Variants in SCFD2 observed in about 807,000 individuals in gnomAD.
SCFD2 encodes sec1 family domain-containing protein 2.
In SCFD2, 54 loss-of-function variants were observed where a neutral mutation model predicts 58.9. That is an observed-to-expected ratio of 0.92 (90% CI 0.74 to 1.15). SCFD2 has a LOEUF of 1.15. SCFD2 is among the 50% of genes most tolerant of loss of function. The probability of loss-of-function intolerance (pLI) is 0.00; values close to 1 mark genes in which losing one functional copy is unlikely to be tolerated. For synonymous variants in SCFD2, 321 were observed against 335.9 expected, an observed-to-expected ratio of 0.96 and a Z score of 0.49; for missense variants, 805 against 836.6, an observed-to-expected ratio of 0.96 and a Z score of 0.47.
intron 4 of SCFD2, among the ~76,000 whole-genome samples, chr4:53,223,625 G>A (rs562143610): frequency 3.3e-5 from 5 of 152,248 alleles, no homozygotes; most frequent in East Asian, 3.9e-4. Flanking sequence ...ATAGTCTCAC[G>A]GAACATTTTC....
At chr4:52,875,130 C>T (rs1261803270) in intron 8 of SCFD2, among the ~76,000 whole-genome samples, 2 of 152,184 alleles carry the variant, frequency 1.3e-5, no homozygotes, top group African/African-American at 4.8e-5. Context: ...AGGATCCCAG[C>T]GCAGACAGGC....
At chr4:52,993,397 TAAAAAAA>T (rs1721667529) in intron 5 of SCFD2, among the ~76,000 whole-genome samples, 1 of 70,698 alleles carries the variant, frequency 1.4e-5, no homozygotes, top group Non-Finnish European at 3.8e-5. Context: ...CAATAAATAC[TAAAAAAA>T]TAAAAAAATA....
intron 5 of SCFD2, among the ~76,000 whole-genome samples, chr4:53,055,858 T>TTA (rs1262067707): frequency 1.3e-5 from 2 of 151,928 alleles, no homozygotes; most frequent in Non-Finnish European, 2.9e-5. Flanking sequence ...TTGCTCAGAC[T>TTA]CTCTCCTGAC....
rs149189359 is a variant in SCFD2, at chr4:53,365,321, C to A, written c.621G>T (p.Thr207=). ...TCTGCAGCAGCAGCTCTGGGGTTAGCGTAGTGGAGTCCACATCACCCAGGC... is the reference window on the plus strand; with the variant it reads ...TCTGCAGCAGCAGCTCTGGGGTTAGAGTAGTGGAGTCCACATCACCCAGGC... ...LGSLGDVDST[T]LTPELLLQIR... Residue 207 remains threonine (T), a synonymous_variant, in exon 1 of 9, where the codon ACG becomes ACT. Transcript: ENST00000401642. This position sits in a 1 kb window ranked among gnomAD's most constrained non-coding sequence, Gnocchi z 4.3. 1 of 1,614,176 alleles carries A rather than the reference C, an allele frequency of 6.2e-7. No homozygotes were observed. Among genetic ancestry groups the A allele is most frequent in the South Asian group, 1.1e-5 (1 of 91,078 alleles).
At chr4:52,970,185 C>A (rs1037773833) in intron 5 of SCFD2, among the ~76,000 whole-genome samples, 5 of 152,172 alleles carry the variant, frequency 3.3e-5, no homozygotes, top group African/African-American at 1.2e-4. Flanking sequence ...ACAGTGGGTG[C>A]AGCATACCCA....
chr4:52,911,445 C>A (rs1480693269), intron 6 of SCFD2, among the ~76,000 whole-genome samples: 1 of 152,196 alleles, frequency 6.6e-6, no homozygotes, highest in African/African-American at 2.4e-5. Flanking sequence ...GTTTTCTCAA[C>A]CTCTTCATTC....
At chr4:53,360,714 G>A (rs1734526286) in intron 1 of SCFD2, among the ~76,000 whole-genome samples, 1 of 152,182 alleles carries the variant, frequency 6.6e-6, no homozygotes, top group African/African-American at 2.4e-5. Flanking sequence ...CTACCTAAAT[G>A]TTTTTGAATT....
intron 7 of SCFD2, among the ~76,000 whole-genome samples, chr4:52,892,598 T>G (rs1422494968): frequency 1.3e-5 from 2 of 152,170 alleles, no homozygotes; most frequent in Non-Finnish European, 2.9e-5. Flanking sequence ...ACTTTGGAGT[T>G]CCTAACTCCT....
chr4:52,952,879 C>T (rs1466510766), intron 5 of SCFD2, among the ~76,000 whole-genome samples: 1 of 152,164 alleles, frequency 6.6e-6, no homozygotes, highest in East Asian at 1.9e-4. Flanking sequence ...GAACCATTCC[C>T]TGGGAAAGTC....
intron 7 of SCFD2, among the ~76,000 whole-genome samples, chr4:52,902,373 A>C (rs541155528): frequency 6.6e-6 from 1 of 152,376 alleles, no homozygotes; most frequent in East Asian, 1.9e-4. Context: ...TCCCACAGGC[A>C]CAGCAAAAGA....
chr4:53,222,616 C>G (rs1729081187), intron 4 of SCFD2, among the ~76,000 whole-genome samples: 2 of 59,964 alleles, frequency 3.3e-5, no homozygotes, highest in African/African-American at 9.9e-5. Context: ...GGAAGAACTA[C>G]TCCAAATAGC....
intron 4 of SCFD2, among the ~76,000 whole-genome samples, chr4:53,178,311 A>C (rs1051062600): frequency 5.9e-5 from 9 of 152,186 alleles, no homozygotes; most frequent in Non-Finnish European, 1.3e-4. Context: ...CTTCCAGAGG[A>C]ACGGTCAGGC....
At chr4:53,026,434 A>G (rs1205362520) in intron 5 of SCFD2, among the ~76,000 whole-genome samples, 1 of 152,220 alleles carries the variant, frequency 6.6e-6, no homozygotes, top group Admixed American at 6.5e-5. Context: ...AGATGACTTA[A>G]CATGAGATAA....
At chr4:52,996,797 C>G (rs1443533701) in intron 5 of SCFD2, among the ~76,000 whole-genome samples, 1 of 152,138 alleles carries the variant, frequency 6.6e-6, no homozygotes, top group African/African-American at 2.4e-5. Flanking sequence ...AAGAAAATCT[C>G]CTTGTGTGAG....
At chr4:53,043,943 A>T (rs1163025694) in intron 5 of SCFD2, among the ~76,000 whole-genome samples, 1 of 152,322 alleles carries the variant, frequency 6.6e-6, no homozygotes, top group East Asian at 1.9e-4. Context: ...AACATGTCAC[A>T]GTTAATGTTA....
chr4:53,329,292 G>A (rs960297337), intron 2 of SCFD2, among the ~76,000 whole-genome samples: 4 of 152,166 alleles, frequency 2.6e-5, no homozygotes, highest in African/African-American at 4.8e-5. Context: ...TCTGGGGGCA[G>A]GGCACAGACA....
intron 4 of SCFD2, among the ~76,000 whole-genome samples, chr4:53,255,894 C>A (rs1255161604): frequency 7.1e-6 from 1 of 140,666 alleles, no homozygotes; most frequent in Admixed American, 6.7e-5. Context: ...CAGAGGGGCT[C>A]CTCACTTCCC....
chr4:52,934,187 T>C (rs921977153), intron 5 of SCFD2, among the ~76,000 whole-genome samples: 2 of 152,204 alleles, frequency 1.3e-5, no homozygotes, highest in African/African-American at 2.4e-5. Context: ...TTTCCCACAC[T>C]AGCATACAAC....
intron 5 of SCFD2, among the ~76,000 whole-genome samples, chr4:53,054,361 G>A (rs533712675): frequency 1.1e-3 from 164 of 152,146 alleles, no homozygotes; most frequent in African/African-American, 3.9e-3. Flanking sequence ...TTACATGTCC[G>A]CTTCTCCCCC....
Sources: allele counts gnomAD v4.1 joint callset (sites outside exome capture counted in the v4.1 genomes callset), GRCh38; gene constraint gnomAD v4.1.1; non-coding constraint Gnocchi (gnomAD v3.1); transcripts MANE v1.5; gene names NCBI Gene and HGNC (gene_info 2026-07-23, HGNC 2026-07-21).